CRPPA: variants seen among roughly 807,000 people sequenced by gnomAD.
CRPPA encodes the protein D-ribitol-5-phosphate cytidylyltransferase.
A neutral mutation model predicts 52.0 loss-of-function variants in CRPPA; 43 were observed. That is an observed-to-expected ratio of 0.83 (90% confidence interval 0.65 to 1.07). The LOEUF (loss-of-function observed/expected upper bound fraction) is 1.07, where lower values mean the gene tolerates loss of function less well. Among genes scored for constraint, CRPPA ranks in the 50% least tolerant of loss-of-function variants. The pLI, the probability that CRPPA is intolerant of heterozygous loss-of-function variation, is 0.00. For synonymous variants in CRPPA, 250 were observed against 203.5 expected, an observed-to-expected ratio of 1.23 and a Z score of -1.94; for missense variants, 629 against 551.7, an observed-to-expected ratio of 1.14 and a Z score of -1.40.
chr7:16,146,680 T>C (rs552721828), intron 9 of CRPPA, among the ~76,000 whole-genome samples: 17 of 152,252 alleles, frequency 1.1e-4, no homozygotes, highest in African/African-American at 4.1e-4. Context: ...CAAAGCGAAA[T>C]GTTATCTTAA....
At chr7:16,116,175 A>G (rs538110809) in intron 9 of CRPPA, among the ~76,000 whole-genome samples, 159 of 152,298 alleles carry the variant, frequency 1.0e-3, no homozygotes, top group Non-Finnish European at 1.9e-3. Context: ...TAACCAAGTG[A>G]TCTAGGTTAA....
chr7:16,145,254 C>T (rs992089250), intron 9 of CRPPA, among the ~76,000 whole-genome samples: 6 of 152,184 alleles, frequency 3.9e-5, no homozygotes, highest in African/African-American at 1.2e-4. Context: ...TAGTAATAGG[C>T]CTGCCAAATG....
intron 2 of CRPPA, among the ~76,000 whole-genome samples, chr7:16,381,585 G>A (rs1375507184): frequency 6.6e-6 from 1 of 151,964 alleles, no homozygotes; most frequent in African/African-American, 2.4e-5. Context: ...AATGTTGACA[G>A]TGGGGTGTTA....
chr7:16,306,176 C>T (rs556574996), intron 4 of CRPPA, among the ~76,000 whole-genome samples: 24 of 152,294 alleles, frequency 1.6e-4, no homozygotes, highest in African/African-American at 5.8e-4. Flanking sequence ...CTCGTCTTCA[C>T]TTGATTACAT....
intron 9 of CRPPA, among the ~76,000 whole-genome samples, chr7:16,100,912 T>C (rs4621696): frequency 0.32 from 48,830 of 152,076 alleles, 8,617 homozygotes; most frequent in Admixed American, 0.41. Context: ...GAGATAATCA[T>C]GTGGTTTTTG....
At chr7:16,380,025 C>T (rs55790136) in intron 2 of CRPPA, among the ~76,000 whole-genome samples, 21,441 of 147,824 alleles carry the variant, frequency 0.15, 1,833 homozygotes, top group Admixed American at 0.19. Flanking sequence ...TCCAACACTA[C>T]GTTGAATAGG....
intron 3 of CRPPA, among the ~76,000 whole-genome samples, chr7:16,332,610 A>G (rs1480039800): frequency 6.6e-6 from 1 of 152,158 alleles, no homozygotes; most frequent in African/African-American, 2.4e-5. Context: ...GTGTACTAGC[A>G]ACTATGGCAA....
intron 9 of CRPPA, among the ~76,000 whole-genome samples, chr7:16,108,326 T>C (rs1782196482): frequency 6.6e-6 from 1 of 152,024 alleles, no homozygotes; most frequent in East Asian, 1.9e-4. Context: ...ACAGTAGCTA[T>C]ACTTAGACAA....
chr7:16,138,251 T>C (rs1782798536), intron 9 of CRPPA, among the ~76,000 whole-genome samples: 1 of 152,132 alleles, frequency 6.6e-6, no homozygotes, highest in Non-Finnish European at 1.5e-5. Flanking sequence ...AAATTTCAGG[T>C]AGAACAATTG....
At chr7:16,265,325 C>G (rs1783925381) in intron 6 of CRPPA, among the ~76,000 whole-genome samples, 1 of 152,194 alleles carries the variant, frequency 6.6e-6, no homozygotes, top group South Asian at 2.1e-4. Context: ...AACCAAGGTT[C>G]TGAGACATTG....
chr7:16,246,840 G>A (rs1039749588), intron 8 of CRPPA, among the ~76,000 whole-genome samples: 2 of 152,226 alleles, frequency 1.3e-5, no homozygotes, highest in African/African-American at 2.4e-5. Flanking sequence ...CAGACAGAGA[G>A]TAGACTTAGC....
chr7:16,141,262 AAAG>A (rs1782864336), intron 9 of CRPPA, among the ~76,000 whole-genome samples: 1 of 152,244 alleles, frequency 6.6e-6, no homozygotes, highest in African/African-American at 2.4e-5. Flanking sequence ...TTTATAGGAA[AAAG>A]AAAACACCAA....
chr7:16,136,564 T>C (rs894066814), intron 9 of CRPPA, among the ~76,000 whole-genome samples: 2 of 152,206 alleles, frequency 1.3e-5, no homozygotes, highest in Admixed American at 6.5e-5. Context: ...ACATAGATCC[T>C]GAAACAGAGT....
At chr7:16,205,711 G>C (rs930185109) in intron 9 of CRPPA, among the ~76,000 whole-genome samples, 2 of 151,800 alleles carry the variant, frequency 1.3e-5, no homozygotes, top group East Asian at 3.9e-4. Flanking sequence ...TCTTATCTAG[G>C]GGCTTTGGCT....
At chr7:16,245,203 T>G (rs1421259335) in intron 8 of CRPPA, among the ~76,000 whole-genome samples, 1 of 152,222 alleles carries the variant, frequency 6.6e-6, no homozygotes, top group East Asian at 1.9e-4. Flanking sequence ...GCATATGAAT[T>G]TGCACATGCA....
chr7:16,183,288 T>A (rs1781446619), intron 9 of CRPPA, among the ~76,000 whole-genome samples: 1 of 152,204 alleles, frequency 6.6e-6, no homozygotes, highest in African/African-American at 2.4e-5. Context: ...GGTTTCCAGG[T>A]CTGGGAAAAG....
At chr7:16,337,226 A>G (rs1322641182) in intron 3 of CRPPA, among the ~76,000 whole-genome samples, 1 of 152,168 alleles carries the variant, frequency 6.6e-6, no homozygotes, top group African/African-American at 2.4e-5. Flanking sequence ...TTACACCACA[A>G]ATCTTAAGTT....
At chr7:16,379,364 C>T (rs1044189846) in intron 2 of CRPPA, among the ~76,000 whole-genome samples, 1 of 152,112 alleles carries the variant, frequency 6.6e-6, no homozygotes, top group Non-Finnish European at 1.5e-5. Context: ...TGTTTCGGTA[C>T]CAGTACCATG....
At chr7:16,115,588 G>A (rs1562511277) in intron 9 of CRPPA, among the ~76,000 whole-genome samples, 1 of 152,084 alleles carries the variant, frequency 6.6e-6, no homozygotes, top group Non-Finnish European at 1.5e-5. Flanking sequence ...TCAGGATCTT[G>A]GTTTCTAAAT....
Sources: gnomAD v4.1 joint callset for allele counts (sites outside exome capture counted in the v4.1 genomes callset) on GRCh38, gnomAD v4.1.1 for gene constraint, MANE v1.5 for transcripts, NCBI Gene and HGNC (gene_info 2026-07-23, HGNC 2026-07-21) for gene names.